Variants in TAF4B observed in about 807,000 individuals in gnomAD.
TAF4B encodes the protein transcription initiation factor TFIID subunit 4B.
TAF4B carries 38 observed loss-of-function variants against 86.4 expected under a neutral mutation model. That is an observed-to-expected ratio of 0.44 (90% CI 0.34 to 0.58). TAF4B has a LOEUF of 0.58. Among genes scored for constraint, TAF4B ranks in the 20% least tolerant of loss-of-function variants. The pLI is 0.02. For missense variants in TAF4B, 988 were observed against 1,027.6 expected (o/e 0.96, Z 0.53); for synonymous variants, 388 against 391.2 (o/e 0.99, Z 0.10).
intron 14 of TAF4B, among the ~76,000 whole-genome samples, chr18:26,376,759 A>G (rs1567929812): frequency 6.6e-6 from 1 of 152,078 alleles, no homozygotes. Flanking sequence ...TTCAGAATTT[A>G]GGGGAAAAGA....
intron 14 of TAF4B, among the ~76,000 whole-genome samples, chr18:26,389,149 G>A (rs764955263): frequency 8.5e-5 from 13 of 152,140 alleles, no homozygotes; most frequent in African/African-American, 1.2e-4. Flanking sequence ...CTGAGTCACA[G>A]CTCAACTTTG....
At chr18:26,342,088 T>C (rs746439096) in intron 13 of TAF4B, among the ~76,000 whole-genome samples, 6 of 152,136 alleles carry the variant, frequency 3.9e-5, no homozygotes, top group Non-Finnish European at 7.4e-5. Context: ...ATTTCCATTG[T>C]TTGGTGTTAG....
intron 11 of TAF4B, among the ~76,000 whole-genome samples, chr18:26,323,717 G>A (rs969983063): frequency 6.6e-6 from 1 of 151,976 alleles, no homozygotes; most frequent in Non-Finnish European, 1.5e-5. Flanking sequence ...TCTTTTAAGG[G>A]TTTTGTACTT....
At chr18:26,261,172 A>AT (rs71169839) in intron 1 of TAF4B, among the ~76,000 whole-genome samples, 21,947 of 77,076 alleles carry the variant, frequency 0.28, 7,424 homozygotes, top group Non-Finnish European at 0.42. Context: ...GAGCACTGTC[A>AT]TTTTTTTTTT....
chr18:26,291,364 G>A (rs1032339125), intron 7 of TAF4B, among the ~76,000 whole-genome samples: 3 of 151,836 alleles, frequency 2.0e-5, no homozygotes, highest in African/African-American at 4.8e-5. Context: ...GCTTTCAAGC[G>A]ATGGTCTAAG....
At chr18:26,274,617 G>A (rs186825619) in intron 3 of TAF4B, 46 bp from the exon 4 acceptor site, 2 of 1,606,068 alleles carry the variant, frequency 1.2e-6, no homozygotes, top group East Asian at 2.2e-5. Context: ...ACCCACTAAT[G>A]TATCATAGTA....
chr18:26,245,102 G>A (rs1489033396), intron 1 of TAF4B, among the ~76,000 whole-genome samples: 1 of 152,132 alleles, frequency 6.6e-6, no homozygotes, highest in Non-Finnish European at 1.5e-5. Flanking sequence ...CCTGACACCC[G>A]TGTCTTTAGT....
At chr18:26,273,887 G>A (rs2056350879) in intron 3 of TAF4B, among the ~76,000 whole-genome samples, 1 of 152,140 alleles carries the variant, frequency 6.6e-6, no homozygotes, top group South Asian at 2.1e-4. Context: ...TTAAATGATG[G>A]TGCATTGTTC....
intron 12 of TAF4B, among the ~76,000 whole-genome samples, chr18:26,328,946 C>A (rs1297362675): frequency 6.6e-6 from 1 of 151,858 alleles, no homozygotes; most frequent in Non-Finnish European, 1.5e-5. Flanking sequence ...ACCCTTTCTA[C>A]ACATACAATC....
At chr18:26,306,063 A>G (rs1021848075) in intron 9 of TAF4B, among the ~76,000 whole-genome samples, 1 of 152,222 alleles carries the variant, frequency 6.6e-6, no homozygotes, top group Non-Finnish European at 1.5e-5. Context: ...AATTGCAAGG[A>G]TCACGGTCTG....
At chr18:26,351,614 T>C (rs1284623694) in intron 13 of TAF4B, among the ~76,000 whole-genome samples, 1 of 152,132 alleles carries the variant, frequency 6.6e-6, no homozygotes, top group Non-Finnish European at 1.5e-5. Context: ...CCCATAAATA[T>C]GTACAATTAT....
At chr18:26,358,266 C>T (rs537561473) in intron 14 of TAF4B, among the ~76,000 whole-genome samples, 13 of 152,262 alleles carry the variant, frequency 8.5e-5, no homozygotes, top group Non-Finnish European at 1.5e-4. Flanking sequence ...ATTTTCTCTT[C>T]TGTTAGATTA....
At chr18:26,327,204 G>A (rs950116630) in intron 12 of TAF4B, 64 bp downstream of exon 12, 19 of 1,550,496 alleles carry the variant, frequency 1.2e-5, no homozygotes, top group South Asian at 6.0e-5. Flanking sequence ...TGGCTTTATC[G>A]TTGGTTGACT....
rs537350359 is a variant in TAF4B at position 26,227,125 on chromosome 18, C to G, written c.192C>G (p.Ser64=). 16 of 1,613,544 alleles carry G rather than the reference C, an allele frequency of 9.9e-6. No individual in the cohort carries two copies. The African/African-American group carries it at 1.2e-4, about 12-fold the overall frequency. ...CCACGGCGTCCCAGCCCCTGCGGTC[C>G]CCCGTGGGGACCCTGGTGACCAAAG... is the stretch of plus-strand genomic sequence containing the variant. ...VEPTASQPLR[S]PVGTLVTKVA... is the part of the protein sequence containing the mutation. Residue 64 remains serine, a synonymous_variant, in exon 1 of 15, where the codon TCC becomes TCG. Coordinates refer to ENST00000269142, the MANE Select transcript of TAF4B (RefSeq NM_005640.3).
Position 26,346,753 on chromosome 18 carries a change from A to ATATG in TAF4B, c.2317-10936_2317-10935insATGT, listed in dbSNP as rs1555623603. ...GCTAGCCAAGAATATATATATATAT[A>ATATG]TGTGTGTATATATATATATATGTGT... On this transcript the variant is annotated intron_variant, in intron 13 of 14. Transcript: ENST00000269142. Among the ~76,000 whole-genome samples, 6 of 38,142 alleles carry ATATG rather than the reference A, an allele frequency of 1.6e-4. 1 individual carries two copies. Among genetic ancestry groups the ATATG allele is most frequent in the Non-Finnish European group, 2.2e-4 (4 of 18,404 alleles). The allele number at this position is 38,142 out of a possible 152,430, so 25.0% of individuals were successfully genotyped here. A position where few individuals can be genotyped will look rare whatever the true frequency, so the allele number is the denominator to read the frequency against.
At chr18:26,316,375 TTTCTTC>T (rs148061353) in intron 10 of TAF4B, among the ~76,000 whole-genome samples, 6,327 of 151,724 alleles carry the variant, frequency 0.042, 177 homozygotes, top group Non-Finnish European at 0.059. Context: ...TGACCAGGGT[TTTCTTC>T]TTCTTCTTCT....
rs781694694 is a variant in TAF4B, at chr18:26,315,241, C to T, written c.1845C>T (p.Asp615=). Residue 615 remains aspartate (D), a synonymous_variant, in exon 10 of 15, where the codon GAC becomes GAT. Coordinates refer to ENST00000269142, the MANE Select transcript of TAF4B (RefSeq NM_005640.3). ...NVTSCFRDED[D]INDVTSMAGV... is the part of the protein sequence containing the mutation. ...TTTTTTCTATTAGAGATGAGGATGA[C>T]ATCAATGATGTGACTTCTATGGCAG... 4 of 1,589,982 alleles carry T rather than the reference C, an allele frequency of 2.5e-6. No individual in the cohort carries two copies. Among genetic ancestry groups the T allele is most frequent in the Non-Finnish European group, 3.4e-6 (4 of 1,168,342 alleles).
At chr18:26,321,632 A>G (rs1192006476) in intron 11 of TAF4B, among the ~76,000 whole-genome samples, 1 of 151,914 alleles carries the variant, frequency 6.6e-6, no homozygotes, top group Non-Finnish European at 1.5e-5. Flanking sequence ...TTTAAGGTAT[A>G]CAACGTGTTA....
At chr18:26,277,257 G>C (rs922327201) in intron 5 of TAF4B, among the ~76,000 whole-genome samples, 1 of 151,848 alleles carries the variant, frequency 6.6e-6, no homozygotes, top group Non-Finnish European at 1.5e-5. Context: ...CTAATTTTTT[G>C]ATTTTTTTTG....
Sources: gnomAD v4.1 joint callset for allele counts (sites outside exome capture counted in the v4.1 genomes callset) on GRCh38, gnomAD v4.1.1 for gene constraint, MANE v1.5 for transcripts, NCBI Gene and HGNC (gene_info 2026-07-23, HGNC 2026-07-21) for gene names.